MYO1E: variants seen among roughly 807,000 people sequenced by gnomAD.
MYO1E encodes the protein myosin IE.
A neutral mutation model predicts 151.1 loss-of-function variants in MYO1E; 68 were observed. The observed-to-expected ratio is 0.45, with a 90% CI of 0.37 to 0.55. The LOEUF is 0.55. MYO1E is among the 20% of genes least tolerant of loss of function. The probability of loss-of-function intolerance (pLI) is 0.00; values close to 1 mark genes in which losing one functional copy is unlikely to be tolerated. For missense variants in MYO1E, 1,363 were observed against 1,389.3 expected, an observed-to-expected ratio of 0.98 and a Z score of 0.30; for synonymous variants, 601 against 501.7, an observed-to-expected ratio of 1.20 and a Z score of -2.64.
chr15:59,307,867 C>T (rs1192570084), intron 1 of MYO1E, among the ~76,000 whole-genome samples: 2 of 151,618 alleles, frequency 1.3e-5, no homozygotes, highest in Non-Finnish European at 2.9e-5. Context: ...GCCTCAGCCT[C>T]CCAAAGTGCT....
rs181470512 is a variant in MYO1E at position 59,313,242 on chromosome 15, T to C, written c.4-40793A>G. Among the ~76,000 whole-genome samples, 4 of 152,288 alleles carry C rather than the reference T, an allele frequency of 2.6e-5. No individual in the cohort carries two copies. The East Asian group carries it at 7.7e-4, about 29-fold the overall frequency. Reference sequence around the variant, plus strand: ...GATATAACCCAAATGGGGGTCCACATGAAGGGAGAGTCAGTATATGGACAT... The same window carrying C: ...GATATAACCCAAATGGGGGTCCACACGAAGGGAGAGTCAGTATATGGACAT... On this transcript the variant is annotated intron_variant, in intron 1 of 27. Transcript: ENST00000288235.
At chr15:59,200,352 C>T (rs1173341284) in intron 16 of MYO1E, among the ~76,000 whole-genome samples, 1 of 152,216 alleles carries the variant, frequency 6.6e-6, no homozygotes, top group Non-Finnish European at 1.5e-5. Flanking sequence ...ACATTAATAT[C>T]TGGGCCTCAT....
At chr15:59,207,913 A>G (rs571419050) in intron 14 of MYO1E, 2 of 1,614,202 alleles carry the variant, frequency 1.2e-6, no homozygotes, top group Non-Finnish European at 1.7e-6. Context: ...AGTTTCCACC[A>G]TAATTAAGGG....
chr15:59,238,430 A>C (rs2080079756), intron 4 of MYO1E, among the ~76,000 whole-genome samples: 1 of 152,260 alleles, frequency 6.6e-6, no homozygotes, highest in African/African-American at 2.4e-5. Context: ...TAGCAACATA[A>C]AGATAATGCA....
chr15:59,137,327 C>T lies in MYO1E; in HGVS notation c.*53G>A. On this transcript the variant is annotated 3_prime_UTR_variant, in exon 28 of 28. Transcript: ENST00000288235. ...AAGGGGAGCCCCTAAATATCCCCTC[C>T]CCTGGTCTGTGCCTGGAGCTCCTCT... The T allele has an allele frequency of 6.6e-7, 1 of 1,506,940 alleles. No individual in the cohort carries two copies. The highest frequency in any genetic ancestry group is 9.2e-7 in the Non-Finnish European group (1 of 1,082,462). The allele number at this position is 1,506,940 out of a possible 1,614,324, so 93.3% of individuals were successfully genotyped here. A position where few individuals can be genotyped will look rare whatever the true frequency, so the allele number is the denominator to read the frequency against.
At chr15:59,143,382 G>A (rs1378042454) in intron 26 of MYO1E, among the ~76,000 whole-genome samples, 1 of 152,160 alleles carries the variant, frequency 6.6e-6, no homozygotes, top group East Asian at 1.9e-4. Flanking sequence ...GACCTCTGCA[G>A]TTTGCACTTT....
rs1232126198 is a variant in MYO1E at position 59,350,700 on chromosome 15, T to C, written c.3+21798A>G. Among the ~76,000 whole-genome samples, 3 of 152,238 alleles carry C rather than the reference T, an allele frequency of 2.0e-5. No individual in the cohort carries two copies. The highest frequency in any genetic ancestry group is 7.2e-5 in the African/African-American group (3 of 41,466). ...AAATTATCTCTGATCTCAAGAGGCTTACAGTCTACTTGGGCTGTAAGAGAC... is the reference window on the plus strand; with the variant it reads ...AAATTATCTCTGATCTCAAGAGGCTCACAGTCTACTTGGGCTGTAAGAGAC... On this transcript the variant is annotated intron_variant, in intron 1 of 27. Coordinates refer to ENST00000288235, the MANE Select transcript of MYO1E (RefSeq NM_004998.4). The surrounding 1 kb of genome is among the most constrained non-coding windows in gnomAD (Gnocchi z 5.0).
chr15:59,177,280 C>T (rs1294567175), intron 19 of MYO1E, among the ~76,000 whole-genome samples: 3 of 62,568 alleles, frequency 4.8e-5, no homozygotes, highest in Admixed American at 2.0e-4. Context: ...CTCTGTGTGC[C>T]GCTTATTTAA....
rs773179983 is a variant in MYO1E, at chr15:59,153,728, T to C, written c.2942A>G (p.Gln981Arg). ...YVPYPHAPGS[Q>R]RSNQKSLYTS... ...GTACAGGCTTTTCTGATTGGACCTC[T>C]GGCTTCCAGGAGCATGGGGATATGG... The change falls in exon 26 of 28, where the codon CAG becomes CGG. Residue 981 changes from glutamine (Q) to arginine (R), a missense_variant. Physicochemically the swap from Gln to Arg is conservative, Grantham distance 43. Coordinates refer to ENST00000288235, the MANE Select transcript of MYO1E (RefSeq NM_004998.4). 6.2e-7 allele frequency: 1 copy of C among 1,614,040 alleles called. No homozygotes were observed.
At chr15:59,233,016 C>T (rs1390273974) in intron 5 of MYO1E, among the ~76,000 whole-genome samples, 1 of 152,122 alleles carries the variant, frequency 6.6e-6, no homozygotes, top group Admixed American at 6.5e-5. Flanking sequence ...ATACTCCCAA[C>T]CTGCCTACTC....
intron 26 of MYO1E, among the ~76,000 whole-genome samples, chr15:59,139,241 TTATTACTCCTCACACTTCCCTCCCACC>T (rs2079393080): frequency 1.1e-4 from 8 of 72,114 alleles, no homozygotes; most frequent in South Asian, 3.9e-4. Context: ...CCATCCCTCA[TTATTACTCCTCACACTTCCCTCCCACC>T]CCCTCATTAT....
intron 22 of MYO1E, among the ~76,000 whole-genome samples, chr15:59,164,825 T>C (rs2079555485): frequency 6.6e-6 from 1 of 152,218 alleles, no homozygotes; most frequent in African/African-American, 2.4e-5. Context: ...CCAGTAGCTG[T>C]AGCCACAGCC....
intron 17 of MYO1E, among the ~76,000 whole-genome samples, chr15:59,189,680 T>G (rs2079721434): frequency 6.6e-6 from 1 of 152,008 alleles, no homozygotes; most frequent in Non-Finnish European, 1.5e-5. Context: ...GTTCAAGAGA[T>G]TCTCCTGCCT....
intron 26 of MYO1E, among the ~76,000 whole-genome samples, chr15:59,144,921 G>A (rs567457043): frequency 1.4e-3 from 215 of 152,214 alleles, no homozygotes; most frequent in African/African-American, 4.8e-3. Flanking sequence ...TCGGCTCACC[G>A]CAACCTCCAC....
At chr15:59,309,786 T>C (rs1454277194) in intron 1 of MYO1E, among the ~76,000 whole-genome samples, 4 of 152,220 alleles carry the variant, frequency 2.6e-5, no homozygotes, top group African/African-American at 7.2e-5. Context: ...TTTACCCTTC[T>C]TGGCAGCACA....
chr15:59,228,544 T>C (rs1325247830), intron 6 of MYO1E, among the ~76,000 whole-genome samples: 3 of 151,530 alleles, frequency 2.0e-5, no homozygotes, highest in African/African-American at 4.8e-5. Context: ...CATATGTATA[T>C]TTAAATTGGT....
intron 1 of MYO1E, among the ~76,000 whole-genome samples, chr15:59,335,094 A>C (rs1323643823): frequency 6.6e-6 from 1 of 152,204 alleles, no homozygotes; most frequent in African/African-American, 2.4e-5. Flanking sequence ...ACTGGGTCAA[A>C]CCGTGAAAGA....
intron 1 of MYO1E, among the ~76,000 whole-genome samples, chr15:59,319,944 C>T (rs1373462864): frequency 6.6e-6 from 1 of 152,010 alleles, no homozygotes; most frequent in Admixed American, 6.6e-5. Context: ...CCTAGAGACT[C>T]CTCCACCTCG....
intron 4 of MYO1E, among the ~76,000 whole-genome samples, chr15:59,237,236 A>G (rs2080072379): frequency 6.6e-6 from 1 of 152,184 alleles, no homozygotes. Context: ...TTTGTAATTT[A>G]AAAAAAGAAA....
Sources: allele counts gnomAD v4.1 joint callset (sites outside exome capture counted in the v4.1 genomes callset), GRCh38; gene constraint gnomAD v4.1.1; non-coding constraint Gnocchi (gnomAD v3.1); transcripts MANE v1.5; gene names NCBI Gene and HGNC (gene_info 2026-07-23, HGNC 2026-07-21).